Variants in BMAL1 observed in about 807,000 individuals in gnomAD.
The protein encoded by BMAL1 is basic helix-loop-helix ARNT-like protein 1.
chr11:13,343,664 A>T, the BMAL1 span, among the ~76,000 whole-genome samples: 1 of 152,174 alleles, frequency 6.6e-6, no homozygotes, highest in East Asian at 1.9e-4. Flanking sequence ...CATCCCTTTT[A>T]TCATTCAGCA....
the BMAL1 span, among the ~76,000 whole-genome samples, chr11:13,343,621 C>T: frequency 6.6e-6 from 1 of 152,188 alleles, no homozygotes; most frequent in African/African-American, 2.4e-5. Flanking sequence ...CTTTCTACAC[C>T]TCAGTGATGG....
the BMAL1 span, among the ~76,000 whole-genome samples, chr11:13,327,363 T>TATC: frequency 1.3e-5 from 2 of 152,226 alleles, no homozygotes; most frequent in South Asian, 2.1e-4. Flanking sequence ...CAGATGCTGT[T>TATC]ATCATCATCA....
chr11:13,386,243 T>G, the BMAL1 span, among the ~76,000 whole-genome samples: 1 of 152,242 alleles, frequency 6.6e-6, no homozygotes, highest in Non-Finnish European at 1.5e-5. Context: ...CCTTTCTTTT[T>G]GTAACTCCTC....
the BMAL1 span, among the ~76,000 whole-genome samples, chr11:13,318,451 C>T: frequency 1.3e-5 from 2 of 148,892 alleles, no homozygotes; most frequent in South Asian, 2.1e-4. Flanking sequence ...ATATAAATTT[C>T]TATAGCTGCT....
the BMAL1 span, among the ~76,000 whole-genome samples, chr11:13,286,447 A>C: frequency 0.92 from 140,756 of 152,278 alleles, 65,516 homozygotes; most frequent in East Asian, 1. Context: ...GGCTGAGTAA[A>C]TTTGAGTAAG....
At chr11:13,320,972 T>C in the BMAL1 span, among the ~76,000 whole-genome samples, 1 of 152,226 alleles carries the variant, frequency 6.6e-6, no homozygotes, top group Admixed American at 6.5e-5. Context: ...AATATACGGC[T>C]GTATCCACTA....
At chr11:13,277,002 G>A in the BMAL1 span, 24 of 152,378 alleles carry the variant, frequency 1.6e-4, no homozygotes, top group Non-Finnish European at 2.9e-4. Context: ...CCGCGCTCGA[G>A]TATTCTCTTT....
chr11:13,294,551 T>G, the BMAL1 span, among the ~76,000 whole-genome samples: 1 of 152,258 alleles, frequency 6.6e-6, no homozygotes. Flanking sequence ...CCTATGCAGA[T>G]TCTTTTCTGA....
chr11:13,342,201 G>A, the BMAL1 span, among the ~76,000 whole-genome samples: 6 of 152,366 alleles, frequency 3.9e-5, no homozygotes, highest in South Asian at 1.2e-3. Context: ...TTCTGGGACA[G>A]AATGCATGGG....
At chr11:13,355,098 AT>A in the BMAL1 span, 2,225 of 711,744 alleles carry the variant, frequency 3.1e-3, 43 homozygotes, top group African/African-American at 0.035. Context: ...TCAAAGGCAC[AT>A]TTTGTTTTGC....
the BMAL1 span, among the ~76,000 whole-genome samples, chr11:13,291,171 C>A: frequency 6.6e-6 from 1 of 152,186 alleles, no homozygotes; most frequent in Non-Finnish European, 1.5e-5. Context: ...CAAAGTCACC[C>A]TGTAAAAACC....
At chr11:13,289,637 G>A in the BMAL1 span, among the ~76,000 whole-genome samples, 1 of 152,056 alleles carries the variant, frequency 6.6e-6, no homozygotes, top group African/African-American at 2.4e-5. Context: ...GCGGTGTTTG[G>A]TTTTCTGTCC....
At chr11:13,342,934 G>A in the BMAL1 span, among the ~76,000 whole-genome samples, 1 of 152,184 alleles carries the variant, frequency 6.6e-6, no homozygotes, top group Non-Finnish European at 1.5e-5. Context: ...ACATTAGCTA[G>A]TTGTCTTATG....
chr11:13,284,128 G>GTATATATATATATGTGTATATATA, the BMAL1 span, among the ~76,000 whole-genome samples: 1 of 58,850 alleles, frequency 1.7e-5, no homozygotes, highest in East Asian at 4.1e-4. Context: ...ATGTGTGTGT[G>GTATATATATATATGTGTATATATA]TATATATATA....
the BMAL1 span, among the ~76,000 whole-genome samples, chr11:13,302,265 C>T: frequency 4.6e-5 from 7 of 152,096 alleles, no homozygotes; most frequent in Non-Finnish European, 1.0e-4. Context: ...GTGAGGGCCT[C>T]GGGAGAGGGG....
At chr11:13,305,491 A>AT in the BMAL1 span, among the ~76,000 whole-genome samples, 1 of 151,720 alleles carries the variant, frequency 6.6e-6, no homozygotes, top group East Asian at 1.9e-4. Context: ...AGTCATAGAA[A>AT]TTTTTTTTTG....
At chr11:13,355,973 T>C in the BMAL1 span, among the ~76,000 whole-genome samples, 1 of 152,188 alleles carries the variant, frequency 6.6e-6, no homozygotes, top group Non-Finnish European at 1.5e-5. Flanking sequence ...GATAAATGTA[T>C]GGATTGGAGA....
At chr11:13,348,862 G>A in the BMAL1 span, among the ~76,000 whole-genome samples, 5 of 152,192 alleles carry the variant, frequency 3.3e-5, no homozygotes, top group African/African-American at 9.7e-5. Context: ...TCTCTATAGC[G>A]ATCGAGGCAA....
At chr11:13,335,640 G>A in the BMAL1 span, among the ~76,000 whole-genome samples, 1 of 152,182 alleles carries the variant, frequency 6.6e-6, no homozygotes, top group Non-Finnish European at 1.5e-5. Context: ...CCTAGAGTCT[G>A]ACTCCAATTA....
Sources: allele counts gnomAD v4.1 joint callset (sites outside exome capture counted in the v4.1 genomes callset), GRCh38; gene constraint gnomAD v4.1.1; transcripts MANE v1.5; gene names NCBI Gene and HGNC (gene_info 2026-07-23, HGNC 2026-07-21).